RPS6KA5: variants seen among roughly 807,000 people sequenced by gnomAD.
RPS6KA5 encodes the protein ribosomal protein S6 kinase A5.
RPS6KA5 carries 27 observed loss-of-function variants against 85.5 expected under a neutral mutation model. The observed-to-expected ratio is 0.32, with a 90% confidence interval of 0.23 to 0.44. RPS6KA5 has a LOEUF of 0.44. Ranked by LOEUF, RPS6KA5 falls within the 20% of genes least tolerant of loss-of-function variation. The pLI is 1.00. For missense variants in RPS6KA5, 811 were observed against 980.9 expected, an observed-to-expected ratio of 0.83 and a Z score of 2.31; for synonymous variants, 334 against 348.2, an observed-to-expected ratio of 0.96 and a Z score of 0.46.
At chr14:90,965,934 G>T (rs887106053) in intron 3 of RPS6KA5, among the ~76,000 whole-genome samples, 1 of 152,162 alleles carries the variant, frequency 6.6e-6, no homozygotes, top group African/African-American at 2.4e-5. Context: ...AAAGGAAAAT[G>T]ATGGAAGATT....
chr14:91,026,542 C>G (rs1307501964), intron 1 of RPS6KA5, among the ~76,000 whole-genome samples: 1 of 152,180 alleles, frequency 6.6e-6, no homozygotes, highest in Non-Finnish European at 1.5e-5. Context: ...CGTACATTTT[C>G]TTTATCTAAT....
chr14:90,921,735 C>T (rs1300870149), intron 6 of RPS6KA5, among the ~76,000 whole-genome samples: 1 of 152,146 alleles, frequency 6.6e-6, no homozygotes, highest in Non-Finnish European at 1.5e-5. Flanking sequence ...GAAGAACATG[C>T]TTTTAAATAC....
chr14:90,946,566 C>A (rs537978416), intron 4 of RPS6KA5, among the ~76,000 whole-genome samples: 1 of 152,152 alleles, frequency 6.6e-6, no homozygotes, highest in Non-Finnish European at 1.5e-5. Context: ...CCCTTCAATT[C>A]TCTCCTTTCT....
chr14:90,928,787 G>C (rs1286124), intron 5 of RPS6KA5, among the ~76,000 whole-genome samples: 1 of 149,772 alleles, frequency 6.7e-6, no homozygotes, highest in Non-Finnish European at 1.5e-5. Context: ...ATTTGAAAGT[G>C]AATCCACACA....
At chr14:91,041,771 G>T (rs927591653) in intron 1 of RPS6KA5, among the ~76,000 whole-genome samples, 2 of 152,154 alleles carry the variant, frequency 1.3e-5, no homozygotes, top group African/African-American at 2.4e-5. Context: ...AAACAATGCT[G>T]CCCACTTTGC....
rs887672185 is a variant in RPS6KA5, at chr14:90,858,122, C to A, written c.*13952G>T. ...AAACAACGATGAAAGCTATATTAAC[C>A]CTTTTCCGGTTTAGAAAAAAAAAGT... is the stretch of plus-strand genomic sequence containing the variant. On this transcript the variant is annotated 3_prime_UTR_variant, in exon 17 of 17. Transcript: ENST00000614987. The A allele has an allele frequency of 2.0e-5, 3 of 152,086 alleles. No homozygotes were observed. The highest frequency in any genetic ancestry group is 4.4e-5 in the Non-Finnish European group (3 of 68,006). The allele number at this position is 152,086 out of a possible 1,614,324, so 9.4% of individuals were successfully genotyped here.
intron 1 of RPS6KA5, among the ~76,000 whole-genome samples, chr14:91,004,930 A>G (rs1009501046): frequency 2.2e-4 from 34 of 152,030 alleles, no homozygotes; most frequent in Middle Eastern, 3.4e-3. Context: ...ATCGCGCGCC[A>G]CTGCACTCCA....
chr14:90,984,930 A>G (rs995255785), intron 2 of RPS6KA5, among the ~76,000 whole-genome samples: 5 of 152,218 alleles, frequency 3.3e-5, no homozygotes, highest in African/African-American at 1.2e-4. Context: ...ACATGTTCAT[A>G]AGTAGCCTTT....
rs868570567 is a variant in RPS6KA5 at position 90,994,425 on chromosome 14, C to A, written c.175+6663G>T. On this transcript the variant is annotated intron_variant, in intron 2 of 16. Coordinates refer to ENST00000614987, the MANE Select transcript of RPS6KA5 (RefSeq NM_004755.4). ...ATGTATTATTCCGTAATATTACAATCAAATCTCTTCTTAATTAAAAACATA... is the reference window on the plus strand; with the variant it reads ...ATGTATTATTCCGTAATATTACAATAAAATCTCTTCTTAATTAAAAACATA... Among the ~76,000 whole-genome samples, 4 of 151,966 alleles carry A rather than the reference C, an allele frequency of 2.6e-5. No homozygotes were observed. The South Asian group carries it at 8.3e-4, about 32-fold the overall frequency.
intron 5 of RPS6KA5, among the ~76,000 whole-genome samples, chr14:90,923,753 G>A (rs1056648749): frequency 7.9e-5 from 12 of 151,800 alleles, no homozygotes; most frequent in South Asian, 2.1e-4. Context: ...GTTTGACAAC[G>A]CTAATGTTAT....
At chr14:90,973,350 G>A (rs191740421) in intron 3 of RPS6KA5, among the ~76,000 whole-genome samples, 4 of 151,964 alleles carry the variant, frequency 2.6e-5, no homozygotes, top group African/African-American at 9.7e-5. Flanking sequence ...GGCTGAGTCA[G>A]GAGAATCACT....
intron 1 of RPS6KA5, among the ~76,000 whole-genome samples, chr14:91,051,628 CA>C (rs1368977734): frequency 1.3e-5 from 1 of 74,326 alleles, no homozygotes; most frequent in African/African-American, 4.5e-5. Flanking sequence ...GCTGGGATTA[CA>C]GGTGCCCGCC....
At chr14:90,902,183 TAAA>T (rs997092786) in intron 9 of RPS6KA5, among the ~76,000 whole-genome samples, 2 of 141,920 alleles carry the variant, frequency 1.4e-5, no homozygotes, top group East Asian at 4.2e-4. Context: ...CCTTGTTTCT[TAAA>T]AAAAAAAAAT....
chr14:90,913,116 G>C (rs2035922382), intron 7 of RPS6KA5, among the ~76,000 whole-genome samples: 3 of 151,744 alleles, frequency 2.0e-5, no homozygotes. Flanking sequence ...TCACCATGTT[G>C]GCCAGGCTGG....
chr14:90,955,846 C>T (rs1469893036), intron 3 of RPS6KA5, among the ~76,000 whole-genome samples: 2 of 151,990 alleles, frequency 1.3e-5, no homozygotes, highest in Non-Finnish European at 2.9e-5. Flanking sequence ...TTTCTTCCTC[C>T]ATTTCTTTCA....
intron 1 of RPS6KA5, among the ~76,000 whole-genome samples, chr14:91,047,762 A>G (rs12323744): frequency 0.027 from 4,112 of 152,286 alleles, 134 homozygotes; most frequent in African/African-American, 0.084. Context: ...AATCAAGGTG[A>G]CAGCAGAGAT....
chr14:91,059,590 T>C (rs2043531256), intron 1 of RPS6KA5, among the ~76,000 whole-genome samples: 1 of 152,202 alleles, frequency 6.6e-6, no homozygotes, highest in African/African-American at 2.4e-5. Context: ...TAATTAGTTA[T>C]AAAGCTTAGG....
At chr14:90,918,898 T>C (rs549184088) in intron 7 of RPS6KA5, among the ~76,000 whole-genome samples, 3 of 152,356 alleles carry the variant, frequency 2.0e-5, no homozygotes, top group Admixed American at 2.0e-4. Context: ...TCAAGACTTA[T>C]ATTTCTTTAA....
chr14:90,923,280 TGA>T (rs776708607), intron 5 of RPS6KA5, 84 bp from the exon 6 acceptor site: 18 of 1,054,822 alleles, frequency 1.7e-5, no homozygotes, highest in Non-Finnish European at 2.6e-5. Flanking sequence ...TGTTAGTGGT[TGA>T]GATACACTAT....
Sources: allele counts gnomAD v4.1 joint callset (sites outside exome capture counted in the v4.1 genomes callset), GRCh38; gene constraint gnomAD v4.1.1; transcripts MANE v1.5; gene names NCBI Gene and HGNC (gene_info 2026-07-23, HGNC 2026-07-21).